Variants in ANK3 observed in about 807,000 individuals in gnomAD.
ANK3 encodes ankyrin-3.
ANK3 carries 57 observed loss-of-function variants against 370.9 expected under a neutral mutation model. The ratio of observed to expected loss-of-function variants is 0.15; its 90% CI spans 0.12 to 0.19. The LOEUF (loss-of-function observed/expected upper bound fraction) is 0.19. Ranked by LOEUF, ANK3 falls within the 10% of genes least tolerant of loss-of-function variation. ANK3 has a pLI of 1.00. For missense variants in ANK3, 4,439 were observed against 5,302.1 expected (o/e 0.84, Z 5.06); for synonymous variants, 1,929 against 1,946.3 (o/e 0.99, Z 0.23).
intron 2 of ANK3, among the ~76,000 whole-genome samples, chr10:60,441,592 G>A (rs1313469343): frequency 6.6e-6 from 1 of 152,060 alleles, no homozygotes; most frequent in Non-Finnish European, 1.5e-5. Context: ...TCTGTTTCAT[G>A]CTTAAACAAC....
intron 1 of ANK3, among the ~76,000 whole-genome samples, chr10:60,322,580 C>T (rs978105345): frequency 2.6e-5 from 4 of 151,880 alleles, no homozygotes; most frequent in South Asian, 2.1e-4. Flanking sequence ...CCCTTTCTTC[C>T]CCAAGGCCTT....
At chr10:60,698,390 T>C (rs1182034620) in intron 1 of ANK3, among the ~76,000 whole-genome samples, 3 of 151,774 alleles carry the variant, frequency 2.0e-5, no homozygotes, top group Non-Finnish European at 4.4e-5. Context: ...GACCCAGCCA[T>C]CCCATTACTG....
chr10:60,102,811 C>T (rs551417946), intron 28 of ANK3, among the ~76,000 whole-genome samples: 2 of 152,224 alleles, frequency 1.3e-5, no homozygotes, highest in East Asian at 3.9e-4. Flanking sequence ...TAAAGTAGCA[C>T]ATAGAATTCA....
intron 2 of ANK3, among the ~76,000 whole-genome samples, chr10:60,511,282 T>A (rs554915020): frequency 6.6e-6 from 1 of 152,290 alleles, no homozygotes; most frequent in African/African-American, 2.4e-5. Context: ...GCAATGGGTA[T>A]TTTGTTACTA....
At chr10:60,688,902 C>A (rs1020123333) in intron 1 of ANK3, among the ~76,000 whole-genome samples, 1 of 150,588 alleles carries the variant, frequency 6.6e-6, no homozygotes, top group Admixed American at 6.6e-5. Context: ...GAGCCAAGAT[C>A]GTGCCACTGC....
At chr10:60,401,255 G>T (rs1367552916) in intron 2 of ANK3, among the ~76,000 whole-genome samples, 3 of 152,212 alleles carry the variant, frequency 2.0e-5, no homozygotes, top group Non-Finnish European at 4.4e-5. Flanking sequence ...ACTAATCAAT[G>T]GGCATAAAAT....
At chr10:60,283,950 T>G (rs1024350055) in intron 1 of ANK3, among the ~76,000 whole-genome samples, 2 of 152,162 alleles carry the variant, frequency 1.3e-5, no homozygotes, top group African/African-American at 4.8e-5. Flanking sequence ...CATTAAGTAA[T>G]GTAGTGGGTT....
intron 1 of ANK3, chr10:60,684,407 A>T: frequency 1.5e-6 from 1 of 670,910 alleles, no homozygotes; most frequent in African/African-American, 1.8e-5. Flanking sequence ...GGAGGGAAGG[A>T]TGGTTAGTCA....
chr10:60,270,967 A>T (rs7894698), intron 4 of ANK3, among the ~76,000 whole-genome samples: 116,397 of 152,098 alleles, frequency 0.77, 44,713 homozygotes, highest in South Asian at 0.91. Context: ...ATTTAGTTTG[A>T]ATGTGTCTGT....
Position 60,069,001 on chromosome 10 carries a change from A to G in ANK3, c.11880T>C (p.Thr3960=). The G allele has an allele frequency of 6.2e-7, 1 of 1,613,432 alleles. No homozygotes were observed. The highest frequency in any genetic ancestry group is 8.5e-7 in the Non-Finnish European group (1 of 1,179,712). Residue 3960 remains threonine (T), a synonymous_variant, in exon 37 of 44, where the codon ACT becomes ACC. Coordinates refer to ENST00000280772, the MANE Select transcript of ANK3 (RefSeq NM_020987.5). ...LPVKVRSTCV[T]TTTTTATTTT... is the part of the protein sequence containing the mutation. ...TGGTGGTGGCAGTGGTGGTGGTGGT[A>G]GTGACACAGGTGGATCTTACCTTTA...
rs67585866 is a variant in ANK3, at chr10:60,581,597, AT to A, written c.96+33588del. ...CTGCCACCATGCCTGGCTAATTATT[AT>A]TTTTTTTTTTTTGTAGTTTTTAGTA... On this transcript the variant is annotated intron_variant, in intron 2 of 43. Coordinates refer to the ANK3 transcript ENST00000373827. Among the ~76,000 whole-genome samples the A allele has an allele frequency of 0.027, 3,648 of 137,536 alleles. 198 individuals carry two copies. In the East Asian group the frequency reaches 0.27, roughly 10 times the overall value. The allele number at this position is 137,536 out of a possible 152,430, so 90.2% of individuals were successfully genotyped here.
At chr10:60,391,377 G>A (rs2063088970), upstream of ANK3, among the ~76,000 whole-genome samples, 1 of 152,204 alleles carries the variant, frequency 6.6e-6, no homozygotes, top group South Asian at 2.1e-4. Flanking sequence ...GGGATTAAAT[G>A]TAATTCAGCT....
chr10:60,085,084 C>A, intron 31 of ANK3, 73 bp downstream of exon 31: 1 of 1,283,696 alleles, frequency 7.8e-7, no homozygotes, highest in South Asian at 1.5e-5. Flanking sequence ...GTATTGAACA[C>A]AACAATTTTT....
At chr10:60,193,536 T>C (rs908380266) in intron 16 of ANK3, among the ~76,000 whole-genome samples, 8 of 151,898 alleles carry the variant, frequency 5.3e-5, no homozygotes, top group Admixed American at 3.9e-4. Flanking sequence ...ATGCCTGTAG[T>C]CTCATCTATT....
At chr10:60,434,718 C>CT (rs1567038294) in intron 2 of ANK3, among the ~76,000 whole-genome samples, 1 of 152,164 alleles carries the variant, frequency 6.6e-6, no homozygotes, top group African/African-American at 2.4e-5. Context: ...ACGACTAGAT[C>CT]TTTTTATTAT....
chr10:60,374,549 C>G (rs1247939947), intron 1 of ANK3, among the ~76,000 whole-genome samples: 1 of 152,144 alleles, frequency 6.6e-6, no homozygotes, highest in Non-Finnish European at 1.5e-5. Context: ...TAGAGTTATT[C>G]TCACCAGAAC....
chr10:60,211,670 T>G (rs1475890336), intron 9 of ANK3, among the ~76,000 whole-genome samples: 2 of 152,118 alleles, frequency 1.3e-5, no homozygotes, highest in African/African-American at 4.8e-5. Context: ...CTACTCAGAA[T>G]GTATTCACAC....
intron 2 of ANK3, among the ~76,000 whole-genome samples, chr10:60,586,246 G>C (rs916158983): frequency 6.6e-6 from 1 of 152,108 alleles, no homozygotes; most frequent in Middle Eastern, 3.2e-3. Flanking sequence ...TTCCAGAGTA[G>C]TGACAAGGGC....
At chr10:60,261,560 A>G (rs2097804814) in intron 7 of ANK3, among the ~76,000 whole-genome samples, 1 of 152,238 alleles carries the variant, frequency 6.6e-6, no homozygotes, top group Admixed American at 6.5e-5. Flanking sequence ...ATTTTAACTT[A>G]GGGAACTATT....
Sources: allele counts gnomAD v4.1 joint callset (sites outside exome capture counted in the v4.1 genomes callset), GRCh38; gene constraint gnomAD v4.1.1; transcripts MANE v1.5; gene names NCBI Gene and HGNC (gene_info 2026-07-23, HGNC 2026-07-21).